Variants in CSGALNACT1 observed in about 807,000 individuals in gnomAD.
CSGALNACT1 encodes chondroitin sulfate N-acetylgalactosaminyltransferase 1, also known as beta4GalNAcT-1.
A neutral mutation model predicts 51.0 loss-of-function variants in CSGALNACT1; 52 were observed. The ratio of observed to expected loss-of-function variants is 1.02; its 90% CI spans 0.82 to 1.29. The LOEUF (loss-of-function observed/expected upper bound fraction) is 1.29. Among genes scored for constraint, CSGALNACT1 ranks in the 50% most tolerant of loss-of-function variants. CSGALNACT1 has a pLI of 0.00. For missense variants in CSGALNACT1, 935 were observed against 679.2 expected (o/e 1.38, Z -4.19); for synonymous variants, 341 against 254.4 (o/e 1.34, Z -3.24).
intron 3 of CSGALNACT1, among the ~76,000 whole-genome samples, chr8:19,565,921 A>C (rs1161225932): frequency 1.3e-5 from 2 of 152,186 alleles, no homozygotes; most frequent in Non-Finnish European, 2.9e-5. Context: ...AAACAAAAAC[A>C]AAAACAAAAA....
In CSGALNACT1 at chr8:19,406,908, C is replaced by T. The variant is rs142163913; in HGVS notation, c.1310-839G>A. On this transcript the variant is annotated intron_variant, in intron 9 of 9. Transcript: ENST00000454498. ...GTTTTTAGTAGAGACGGGGTTTCAC[C>T]GTTTTGGCCAGACTGGTCTTGAACT... 2.6e-3 allele frequency among the ~76,000 whole-genome samples: 402 copies of T among 152,300 alleles called. 3 individuals carry two copies. The highest frequency in any genetic ancestry group is 9.3e-3 in the African/African-American group (385 of 41,564).
rs769189103 is a variant in CSGALNACT1 at position 19,553,620 on chromosome 8, C to CATAT, written c.-297+37536_-297+37539dup. ...AAAAATACATTTATGTATATAAATA[C>CATAT]ATATATATATATATATATAAAAAAA... On this transcript the variant is annotated intron_variant, in intron 3 of 9. Coordinates refer to ENST00000454498, the Ensembl canonical transcript of CSGALNACT1. Among the ~76,000 whole-genome samples, 10 of 71,562 alleles carry CATAT rather than the reference C, an allele frequency of 1.4e-4. No individual in the cohort carries two copies. The East Asian group carries it at 1.8e-3, about 13-fold the overall frequency. 46.9% of individuals were successfully genotyped at this position (71,562 alleles called of 152,430 possible). A position where few individuals can be genotyped will look rare whatever the true frequency, so the allele number is the denominator to read the frequency against.
At chr8:19,511,951 G>A (rs1271033682) in intron 3 of CSGALNACT1, among the ~76,000 whole-genome samples, 1 of 152,136 alleles carries the variant, frequency 6.6e-6, no homozygotes, top group East Asian at 1.9e-4. Flanking sequence ...CACTCACTAT[G>A]ATGAGAACAG....
chr8:19,642,362 T>C (rs1361933812), intron 1 of CSGALNACT1, among the ~76,000 whole-genome samples: 3 of 152,104 alleles, frequency 2.0e-5, no homozygotes, highest in East Asian at 3.9e-4. Context: ...AACATAAAGC[T>C]ACAATAACAG....
At chr8:19,626,754 G>A (rs1483337853) in intron 1 of CSGALNACT1, among the ~76,000 whole-genome samples, 1 of 152,184 alleles carries the variant, frequency 6.6e-6, no homozygotes, top group Admixed American at 6.5e-5. Context: ...TTTTTAGTGT[G>A]CAAAAGACTT....
intron 1 of CSGALNACT1, among the ~76,000 whole-genome samples, chr8:19,648,455 A>G (rs996388200): frequency 2.6e-5 from 4 of 152,238 alleles, no homozygotes; most frequent in Non-Finnish European, 5.9e-5. Flanking sequence ...GTTCCTTTAC[A>G]GATACATCTC....
At chr8:19,453,179 C>G (rs1458654343) in intron 5 of CSGALNACT1, among the ~76,000 whole-genome samples, 2 of 152,064 alleles carry the variant, frequency 1.3e-5, no homozygotes, top group Non-Finnish European at 2.9e-5. Flanking sequence ...AAATGTAACT[C>G]AAACAGAAGA....
intron 3 of CSGALNACT1, among the ~76,000 whole-genome samples, chr8:19,547,650 C>G (rs1013672379): frequency 6.6e-6 from 1 of 152,148 alleles, no homozygotes; most frequent in Admixed American, 6.6e-5. Context: ...TTACAAATTA[C>G]CCAGTCTCGG....
At chr8:19,420,709 A>G (rs2057788672) in intron 6 of CSGALNACT1, among the ~76,000 whole-genome samples, 191 bp from the exon 6 acceptor site, 1 of 152,214 alleles carries the variant, frequency 6.6e-6, no homozygotes. Flanking sequence ...GGTACCAAGA[A>G]CACCTAGTGG....
chr8:19,598,731 C>A (rs543874746), intron 2 of CSGALNACT1, among the ~76,000 whole-genome samples: 1 of 152,180 alleles, frequency 6.6e-6, no homozygotes, highest in Non-Finnish European at 1.5e-5. Flanking sequence ...GAAAGTTCTG[C>A]GCCCTGCTCA....
Position 19,514,484 on chromosome 8 carries a change from T to TATATATATATATATAC in CSGALNACT1, c.-296-8355_-296-8354insGTATATATATATATAT, listed in dbSNP as rs1479598954. On this transcript the variant is annotated intron_variant, in intron 3 of 9. Transcript: ENST00000454498. ...GACTTTTGAACAGAGACTATATATA[T>TATATATATATATATAC]ATATATATATATATATATATATATA... 6.1e-3 allele frequency among the ~76,000 whole-genome samples: 487 copies of TATATATATATATATAC among 79,822 alleles called. 20 individuals carry two copies. The highest frequency in any genetic ancestry group is 0.025 in the African/African-American group (475 of 19,098). The allele number at this position is 79,822 out of a possible 152,430, so 52.4% of individuals were successfully genotyped here.
chr8:19,485,271 A>G (rs2072590430), intron 4 of CSGALNACT1, among the ~76,000 whole-genome samples: 1 of 152,262 alleles, frequency 6.6e-6, no homozygotes, highest in South Asian at 2.1e-4. Context: ...AAATCTACTA[A>G]GTCATCCCCG....
chr8:19,631,936 T>G (rs2055321511), intron 1 of CSGALNACT1, among the ~76,000 whole-genome samples: 1 of 152,240 alleles, frequency 6.6e-6, no homozygotes. Flanking sequence ...CTCTCACATT[T>G]TTTATGCAAT....
At chr8:19,447,301 G>C (rs905451911) in intron 5 of CSGALNACT1, among the ~76,000 whole-genome samples, 1 of 152,188 alleles carries the variant, frequency 6.6e-6, no homozygotes. Flanking sequence ...AAAGCTGGGG[G>C]ACTGGTATGG....
intron 1 of CSGALNACT1, among the ~76,000 whole-genome samples, chr8:19,713,146 C>T (rs1246347884): frequency 6.6e-6 from 1 of 152,206 alleles, no homozygotes; most frequent in Non-Finnish European, 1.5e-5. Context: ...TAAATCATCT[C>T]ACTAGGAAGT....
At chr8:19,499,143 A>G (rs1293488143) in intron 4 of CSGALNACT1, among the ~76,000 whole-genome samples, 1 of 152,148 alleles carries the variant, frequency 6.6e-6, no homozygotes, top group East Asian at 1.9e-4. Flanking sequence ...AAACAGAACA[A>G]AATTAAAATT....
intron 1 of CSGALNACT1, among the ~76,000 whole-genome samples, chr8:19,716,773 C>T (rs887186630): frequency 1.3e-5 from 2 of 151,616 alleles, no homozygotes; most frequent in African/African-American, 4.9e-5. Flanking sequence ...ACCTGGGTGA[C>T]GGAGTGAGAC....
intron 3 of CSGALNACT1, among the ~76,000 whole-genome samples, chr8:19,585,675 G>A (rs1337018568): frequency 6.6e-6 from 1 of 152,196 alleles, no homozygotes; most frequent in Non-Finnish European, 1.5e-5. Context: ...CTCACAGCAT[G>A]GTGCTGAGGA....
intron 6 of CSGALNACT1, among the ~76,000 whole-genome samples, chr8:19,426,263 C>A (rs2058759902): frequency 6.6e-6 from 1 of 152,126 alleles, no homozygotes; most frequent in Non-Finnish European, 1.5e-5. Context: ...CAGATGGGCA[C>A]CAGAGAAACC....
Sources: allele counts gnomAD v4.1 joint callset (sites outside exome capture counted in the v4.1 genomes callset), GRCh38; gene constraint gnomAD v4.1.1; transcripts MANE v1.5; gene names NCBI Gene and HGNC (gene_info 2026-07-23, HGNC 2026-07-21).